The following BBS9 variants were observed in gnomAD, a reference collection of about 807,000 sequenced individuals.
The protein encoded by BBS9 is Bardet-Biedl syndrome 9.
A neutral mutation model predicts 117.7 loss-of-function variants in BBS9; 89 were observed. That is an observed-to-expected ratio of 0.76 (90% CI 0.64 to 0.90). The LOEUF (loss-of-function observed/expected upper bound fraction) is 0.90, where lower values mean the gene tolerates loss of function less well. BBS9 is among the 40% of genes least tolerant of loss of function. The pLI, the probability that BBS9 is intolerant of heterozygous loss-of-function variation, is 0.00. For synonymous variants in BBS9, 379 were observed against 370.9 expected, an observed-to-expected ratio of 1.02 and a Z score of -0.25; for missense variants, 982 against 1,042.2, an observed-to-expected ratio of 0.94 and a Z score of 0.80.
rs80165742 is a variant in BBS9 at position 33,628,094 on chromosome 7, A to G, written c.2522-7083A>G. ...ACTGGAGAATTTTGTCAAAGATTTA[A>G]TGAAGACATATCAATCCTACACAAA... On this transcript the variant is annotated intron_variant, in intron 21 of 21. Coordinates refer to the BBS9 transcript ENST00000671952. 8.1e-3 allele frequency among the ~76,000 whole-genome samples: 1,233 copies of G among 152,318 alleles called. 23 individuals carry two copies. Among genetic ancestry groups the G allele is most frequent in the African/African-American group, 0.028 (1,174 of 41,566 alleles).
chr7:33,212,009 C>T (rs1044219721), intron 5 of BBS9, among the ~76,000 whole-genome samples: 10 of 152,112 alleles, frequency 6.6e-5, no homozygotes, highest in Admixed American at 5.2e-4. Flanking sequence ...TTTTCTGTAT[C>T]GTTGACCTTC....
intron 21 of BBS9, among the ~76,000 whole-genome samples, chr7:33,586,232 A>G (rs929343228): frequency 6.6e-6 from 1 of 152,114 alleles, no homozygotes; most frequent in African/African-American, 2.4e-5. Context: ...TGGGCAAAAG[A>G]CATGAACAGA....
intron 19 of BBS9, among the ~76,000 whole-genome samples, chr7:33,433,482 T>A (rs1232874073): frequency 2.6e-5 from 4 of 152,238 alleles, no homozygotes; most frequent in Admixed American, 2.6e-4. Flanking sequence ...TGAAAGTTCT[T>A]CCTCTGTTTT....
intron 18 of BBS9, among the ~76,000 whole-genome samples, chr7:33,386,631 C>A (rs1826074592): frequency 6.6e-6 from 1 of 152,004 alleles, no homozygotes; most frequent in South Asian, 2.1e-4. Flanking sequence ...GCTGGGACTA[C>A]AGGTGCCCAC....
intron 9 of BBS9, among the ~76,000 whole-genome samples, chr7:33,296,736 A>G (rs1212205356): frequency 2.0e-5 from 3 of 152,150 alleles, no homozygotes; most frequent in Admixed American, 6.6e-5. Flanking sequence ...CACTCTTGGT[A>G]TGTGAAGATT....
intron 20 of BBS9, among the ~76,000 whole-genome samples, chr7:33,511,831 T>C (rs1383185572): frequency 1.3e-5 from 2 of 152,232 alleles, no homozygotes; most frequent in Admixed American, 1.3e-4. Flanking sequence ...TTACAAGGTT[T>C]AAAGACTTCT....
intron 19 of BBS9, among the ~76,000 whole-genome samples, chr7:33,494,778 T>A (rs1007168058): frequency 1.3e-5 from 2 of 152,234 alleles, no homozygotes; most frequent in African/African-American, 4.8e-5. Flanking sequence ...AAATAGTCTC[T>A]GACCTGGGGG....
At chr7:33,244,328 G>A (rs377707904) in intron 5 of BBS9, among the ~76,000 whole-genome samples, 6 of 152,274 alleles carry the variant, frequency 3.9e-5, no homozygotes, top group African/African-American at 4.8e-5. Context: ...AAATGTTACA[G>A]GTGAATGAAA....
At chr7:33,596,299 C>CACACATACAT (rs1491153351) in intron 21 of BBS9, among the ~76,000 whole-genome samples, 19 of 143,456 alleles carry the variant, frequency 1.3e-4, no homozygotes, top group African/African-American at 1.1e-4. Flanking sequence ...CACACACACA[C>CACACATACAT]TTATATATGT....
intron 5 of BBS9, among the ~76,000 whole-genome samples, chr7:33,230,636 G>A (rs113508450): frequency 1.3e-5 from 2 of 152,128 alleles, no homozygotes; most frequent in East Asian, 1.9e-4. Context: ...TTGTGTTCCC[G>A]TGGGTTAACT....
rs145880494 is a variant in BBS9 at position 33,380,798 on chromosome 7, C to T, written c.1790-2868C>T. ...TCTGCTACATCCACAAGGCCTGGTG[C>T]GACAGGATTTGAAGCCAGTGTTCTG... On this transcript the variant is annotated intron_variant, in intron 17 of 22. Transcript: ENST00000242067. 448 of 152,866 alleles carry T rather than the reference C, an allele frequency of 2.9e-3. 2 individuals carry two copies. Among genetic ancestry groups the T allele is most frequent in the African/African-American group, 9.6e-3 (400 of 41,532 alleles). 9.5% of individuals were successfully genotyped at this position (152,866 alleles called of 1,614,324 possible). A position where few individuals can be genotyped will look rare whatever the true frequency, so the allele number is the denominator to read the frequency against.
intron 9 of BBS9, among the ~76,000 whole-genome samples, chr7:33,306,066 A>T (rs781312748): frequency 6.6e-6 from 1 of 151,902 alleles, no homozygotes; most frequent in Non-Finnish European, 1.5e-5. Flanking sequence ...TGTTTTTGCT[A>T]TATCTCATAG....
intron 9 of BBS9, among the ~76,000 whole-genome samples, chr7:33,333,106 T>C (rs1342519460): frequency 1.3e-5 from 2 of 152,142 alleles, no homozygotes; most frequent in Non-Finnish European, 2.9e-5. Context: ...GGTTTTTGCT[T>C]ACATGGATAA....
At chr7:33,331,683 A>G (rs578167774) in intron 9 of BBS9, among the ~76,000 whole-genome samples, 22 of 150,404 alleles carry the variant, frequency 1.5e-4, no homozygotes, top group African/African-American at 4.4e-4. Context: ...AAAACCACAC[A>G]CACACACAAC....
chr7:33,229,561 C>G (rs1405853346), intron 5 of BBS9, among the ~76,000 whole-genome samples: 1 of 151,474 alleles, frequency 6.6e-6, no homozygotes, highest in Non-Finnish European at 1.5e-5. Flanking sequence ...TGGCAAATGG[C>G]AAGATCCCAT....
At chr7:33,281,185 A>G (rs769287311) in intron 9 of BBS9, among the ~76,000 whole-genome samples, 4 of 151,420 alleles carry the variant, frequency 2.6e-5, no homozygotes, top group Non-Finnish European at 4.4e-5. Flanking sequence ...TTTTTGGTTT[A>G]GATATTCTAT....
intron 9 of BBS9, 47 bp downstream of exon 9, chr7:33,274,003 G>T: frequency 6.3e-7 from 1 of 1,596,862 alleles, no homozygotes. Flanking sequence ...TGTTAGTCAA[G>T]AAATTTTCTA....
At chr7:33,417,346 A>T (rs1832174815) in intron 19 of BBS9, among the ~76,000 whole-genome samples, 1 of 152,278 alleles carries the variant, frequency 6.6e-6, no homozygotes, top group African/African-American at 2.4e-5. Context: ...CTACTAATAG[A>T]CATACTTTTG....
At chr7:33,157,633 C>A (rs1252145090) in intron 4 of BBS9, 1 of 152,132 alleles carries the variant, frequency 6.6e-6, no homozygotes, top group Non-Finnish European at 1.5e-5. Flanking sequence ...AGGGGAAGCA[C>A]AAACATTTTC....
Sources: allele counts gnomAD v4.1 joint callset (sites outside exome capture counted in the v4.1 genomes callset), GRCh38; gene constraint gnomAD v4.1.1; transcripts MANE v1.5; gene names NCBI Gene and HGNC (gene_info 2026-07-23, HGNC 2026-07-21).